Variants in ESYT3 observed in about 807,000 individuals in gnomAD.
ESYT3 encodes the protein extended synaptotagmin 3.
ESYT3 carries 101 observed loss-of-function variants against 111.5 expected under a neutral mutation model. That is an observed-to-expected ratio of 0.91 (90% CI 0.77 to 1.07). The LOEUF (loss-of-function observed/expected upper bound fraction) is 1.07. Among genes scored for constraint, ESYT3 ranks in the 50% least tolerant of loss-of-function variants. ESYT3 has a pLI of 0.00. For missense variants in ESYT3, 1,097 were observed against 1,109.4 expected (o/e 0.99, Z 0.16); for synonymous variants, 416 against 446.8 (o/e 0.93, Z 0.87).
intron 1 of ESYT3, among the ~76,000 whole-genome samples, chr3:138,439,933 T>C (rs1429201085): frequency 6.6e-6 from 1 of 152,170 alleles, no homozygotes; most frequent in Non-Finnish European, 1.5e-5. Context: ...TGTCTGCTGG[T>C]GAGGTGGTCG....
At chr3:138,446,273 A>AGT (rs1167948053) in intron 1 of ESYT3, among the ~76,000 whole-genome samples, 1 of 152,208 alleles carries the variant, frequency 6.6e-6, no homozygotes, top group Non-Finnish European at 1.5e-5. Context: ...TAGGAGGAGT[A>AGT]GTGGACGAAG....
chr3:138,450,904 C>T (rs929413405), intron 1 of ESYT3, among the ~76,000 whole-genome samples: 3 of 152,236 alleles, frequency 2.0e-5, no homozygotes, highest in Admixed American at 2.0e-4. Context: ...GTCCCAGGCC[C>T]ACTCTGAATC....
Position 138,473,593 on chromosome 3 carries a change from G to A in ESYT3, c.2295G>A (p.Val765=), listed in dbSNP as rs1296644080. The stretch of plus-strand genomic sequence containing the variant: ...AGATTCAGCTCACAGTGCGCTATGT[G>A]TGTCTGCGGCGCTGCCTCAGCGTGC... ...LGEIQLTVRY[V]CLRRCLSVLI... The change falls in exon 19 of 23, where the codon GTG becomes GTA. Residue 765 remains valine (V), a synonymous_variant. Coordinates refer to ENST00000389567, the MANE Select transcript of ESYT3 (RefSeq NM_031913.5). 1.2e-6 allele frequency: 2 copies of A among 1,613,956 alleles called. No homozygotes were observed. The highest frequency in any genetic ancestry group is 1.7e-6 in the Non-Finnish European group (2 of 1,179,898).
chr3:138,469,848 C>T (rs1437386468), intron 15 of ESYT3, among the ~76,000 whole-genome samples: 1 of 152,090 alleles, frequency 6.6e-6, no homozygotes, highest in East Asian at 1.9e-4. Flanking sequence ...ATTTTCAGCT[C>T]CCCCGTAAAA....
intron 20 of ESYT3, 47 bp from the exon 21 acceptor site, chr3:138,476,176 A>T: frequency 7.9e-7 from 1 of 1,270,604 alleles, no homozygotes; most frequent in Non-Finnish European, 1.1e-6. Flanking sequence ...ATTTTCAAGA[A>T]AACTGAATGA....
At chr3:138,449,238 C>T (rs568107320) in intron 1 of ESYT3, among the ~76,000 whole-genome samples, 42 of 151,978 alleles carry the variant, frequency 2.8e-4, no homozygotes, top group African/African-American at 1.0e-3. Flanking sequence ...GTGTGTGCCA[C>T]CATGCCCACC....
intron 10 of ESYT3, among the ~76,000 whole-genome samples, chr3:138,466,761 G>C (rs180939685): frequency 6.6e-6 from 1 of 152,288 alleles, no homozygotes; most frequent in African/African-American, 2.4e-5. Context: ...ATAAAGAAAA[G>C]AGAGTTTTCT....
chr3:138,458,985 G>A (rs2032459161), intron 4 of ESYT3, among the ~76,000 whole-genome samples: 1 of 152,098 alleles, frequency 6.6e-6, no homozygotes, highest in African/African-American at 2.4e-5. Flanking sequence ...CTGGGGTCTG[G>A]GCTTGGATCA....
rs1412054311 is a variant in ESYT3, at chr3:138,435,011, G to T, written c.213G>T (p.Trp71Cys). 1.3e-6 allele frequency: 2 copies of T among 1,572,530 alleles called. No individual in the cohort carries two copies. Among genetic ancestry groups the T allele is most frequent in the Non-Finnish European group, 1.7e-6 (2 of 1,158,924 alleles). The part of the protein sequence containing the change: ...WLLLGALLWM[W>C]WRRNRRGKLG... ...TGCTCGGCGCCCTGCTGTGGATGTG[G>T]TGGCGCAGGAACCGCCGCGGGAAGC... Residue 71 changes from tryptophan (W) to cysteine (C), a missense_variant, in exon 1 of 23, where the codon TGG becomes TGT. Coordinates refer to ENST00000389567, the MANE Select transcript of ESYT3 (RefSeq NM_031913.5). The surrounding 1 kb of genome is among the most constrained non-coding windows in gnomAD (Gnocchi z 4.8).
At chr3:138,459,156 C>G in intron 4 of ESYT3, 31 bp from the exon 5 acceptor site, 3 of 1,481,450 alleles carry the variant, frequency 2.0e-6, no homozygotes, top group Non-Finnish European at 2.7e-6. Flanking sequence ...TACCCCTCCT[C>G]CCCACCTTCC....
At chr3:138,439,285 C>T (rs747254490) in intron 1 of ESYT3, among the ~76,000 whole-genome samples, 5 of 152,128 alleles carry the variant, frequency 3.3e-5, no homozygotes, top group Non-Finnish European at 7.3e-5. Context: ...GTGGTAAGCT[C>T]GTCTTTCCAG....
chr3:138,448,288 AAAAAATG>A (rs1401713126), intron 1 of ESYT3, among the ~76,000 whole-genome samples: 1 of 150,888 alleles, frequency 6.6e-6, no homozygotes, highest in Non-Finnish European at 1.5e-5. Flanking sequence ...AAAAAAAAAA[AAAAAATG>A]CAGGGGAGGG....
intron 16 of ESYT3, 74 bp downstream of exon 16, chr3:138,470,220 C>A: frequency 6.5e-7 from 1 of 1,534,678 alleles, no homozygotes; most frequent in Non-Finnish European, 8.8e-7. Flanking sequence ...GCTTGAAGTG[C>A]ACCTTGAGCA....
At chr3:138,464,702 A>G (rs895947475) in intron 9 of ESYT3, among the ~76,000 whole-genome samples, 187 bp downstream of exon 9, 1 of 152,160 alleles carries the variant, frequency 6.6e-6, no homozygotes, top group Non-Finnish European at 1.5e-5. Flanking sequence ...CTGAAGGCAA[A>G]TTCCTACCTC....
chr3:138,449,072 C>CTTTCTT (rs1422387971), intron 1 of ESYT3, among the ~76,000 whole-genome samples: 12 of 142,746 alleles, frequency 8.4e-5, no homozygotes, highest in African/African-American at 3.0e-4. Context: ...GCTGCCTACA[C>CTTTCTT]TTTCTTTTTC....
rs764156561 is a variant in ESYT3, at chr3:138,434,752, C to CT, written c.-46dup. The CT allele has an allele frequency of 2.7e-6, 4 of 1,459,698 alleles. No homozygotes were observed. The highest frequency in any genetic ancestry group is 3.6e-6 in the Non-Finnish European group (4 of 1,106,026). The allele number at this position is 1,459,698 out of a possible 1,614,324, so 90.4% of individuals were successfully genotyped here. A position where few individuals can be genotyped will look rare whatever the true frequency, so the allele number is the denominator to read the frequency against. On this transcript the variant is annotated 5_prime_UTR_variant, in exon 1 of 23. It introduces an in-frame stop codon into an upstream open reading frame of the 5' UTR. Transcript: ENST00000389567. ...CGCATGGGCGTGGGGGCATGCGGACCTAAGCTCGGGTGAAGCTCTCGGGAA... is the reference window on the plus strand; with the variant it reads ...CGCATGGGCGTGGGGGCATGCGGACCTTAAGCTCGGGTGAAGCTCTCGGGAA...
Position 138,472,820 on chromosome 3 carries a change from C to T in ESYT3, c.2198C>T (p.Ser733Phe), listed in dbSNP as rs200613499. ...PSMSSLNSLA[S>F]SCFDLADISL... ...ATGTCCTCGCTCAACTCCTTGGCCT[C>T]TTCTTGCTTTGACCTGGCAGATATC... is the stretch of plus-strand genomic sequence containing the variant. Residue 733 changes from serine (S) to phenylalanine (F), a missense_variant, in exon 18 of 23, where the codon TCT becomes TTT. By Grantham distance (155) the Ser-to-Phe change is radical. Coordinates refer to ENST00000389567, the MANE Select transcript of ESYT3 (RefSeq NM_031913.5). The T allele has an allele frequency of 3.5e-5, 56 of 1,614,210 alleles. No individual in the cohort carries two copies. The African/African-American group carries it at 5.7e-4, about 17-fold the overall frequency.
chr3:138,473,538 G>A lies in ESYT3; in HGVS notation c.2240G>A (p.Gly747Asp), dbSNP rs1239680115. ...DLADISLNIE[G>D]GDLRRRQLGE... is the part of the protein sequence containing the mutation. ...AGTGATGGGCTCTTTCTTTACAGAG[G>A]TGGGGACCTCAGGCGACGGCAGCTG... The change falls in exon 19 of 23, where the codon GGT (glycine) becomes GAT (aspartate). Residue 747 changes from glycine to aspartate, a missense_variant and splice_region_variant. By Grantham distance (94) the Gly-to-Asp change is moderately conservative. Coordinates refer to ENST00000389567, the MANE Select transcript of ESYT3 (RefSeq NM_031913.5). The A allele has an allele frequency of 1.5e-5, 24 of 1,613,134 alleles. No homozygotes were observed. Among genetic ancestry groups the A allele is most frequent in the Non-Finnish European group, 2.0e-5 (24 of 1,179,358 alleles).
At position 138,470,974 on chromosome 3, in the gene ESYT3, A is replaced by T; in HGVS notation, c.1688A>T (p.Gln563Leu). Residue 563 changes from glutamine (Q) to leucine (L), a missense_variant, in exon 17 of 23, where the codon CAG becomes CTG. Transcript: ENST00000389567. ...YADLTLEQRF[Q>L]LDHSGLDSLI... ...GACCTCACTCTTGAGCAGCGCTTTC[A>T]GCTGGACCACTCAGGCCTGGACAGC... 1.2e-6 allele frequency: 2 copies of T among 1,614,102 alleles called. No individual in the cohort carries two copies. The highest frequency in any genetic ancestry group is 8.5e-7 in the Non-Finnish European group (1 of 1,180,018).
Sources: allele counts gnomAD v4.1 joint callset (sites outside exome capture counted in the v4.1 genomes callset), GRCh38; gene constraint gnomAD v4.1.1; non-coding constraint Gnocchi (gnomAD v3.1); transcripts MANE v1.5; gene names NCBI Gene and HGNC (gene_info 2026-07-23, HGNC 2026-07-21).